PCSK6: variants seen among roughly 807,000 people sequenced by gnomAD.
PCSK6 encodes proprotein convertase subtilisin/kexin type 6.
In PCSK6, 85 loss-of-function variants were observed where a neutral mutation model predicts 123.3. That is an observed-to-expected ratio of 0.69 (90% CI 0.58 to 0.83). The LOEUF (loss-of-function observed/expected upper bound fraction) is 0.83. Among genes scored for constraint, PCSK6 ranks in the 40% least tolerant of loss-of-function variants. The pLI, the probability that PCSK6 is intolerant of heterozygous loss-of-function variation, is 0.00. For synonymous variants in PCSK6, 508 were observed against 516.0 expected (o/e 0.98, Z 0.21); for missense variants, 1,191 against 1,282.3 (o/e 0.93, Z 1.09).
chr15:101,312,795 C>T (rs957258810), intron 20 of PCSK6, among the ~76,000 whole-genome samples: 3 of 149,694 alleles, frequency 2.0e-5, no homozygotes, highest in African/African-American at 5.1e-5. Flanking sequence ...TCGCCCACTG[C>T]GCTCCAGCCT....
At chr15:101,376,622 A>C (rs901204386) in intron 11 of PCSK6, among the ~76,000 whole-genome samples, 1 of 152,246 alleles carries the variant, frequency 6.6e-6, no homozygotes, top group Non-Finnish European at 1.5e-5. Flanking sequence ...AGGGAGAATC[A>C]ACTGTATTCA....
At chr15:101,440,781 A>T (rs1432319581) in intron 2 of PCSK6, among the ~76,000 whole-genome samples, 1 of 152,258 alleles carries the variant, frequency 6.6e-6, no homozygotes, top group Admixed American at 6.5e-5. Flanking sequence ...GCAATAAAAG[A>T]TAACACTAAA....
rs562321950 is a variant in PCSK6, at chr15:101,362,117, T to C, written c.1858+4079A>G. 7.2e-5 allele frequency among the ~76,000 whole-genome samples: 11 copies of C among 152,108 alleles called. No individual in the cohort carries two copies. In the East Asian group the frequency reaches 1.9e-3, roughly 27 times the overall value. On this transcript the variant is annotated intron_variant, in intron 13 of 21. Coordinates refer to ENST00000611716, the MANE Select transcript of PCSK6 (RefSeq NM_002570.5). ...GACTACAGGTGCCCGCCACCATGCC[T>C]GGTTAACTTTTTGTATTGTTAGTAG... is the stretch of plus-strand genomic sequence containing the variant.
intron 11 of PCSK6, among the ~76,000 whole-genome samples, chr15:101,372,904 G>C (rs2041627804): frequency 6.6e-6 from 1 of 152,108 alleles, no homozygotes; most frequent in Non-Finnish European, 1.5e-5. Flanking sequence ...CATCGGTAGG[G>C]GAAGTGATCA....
intron 11 of PCSK6, among the ~76,000 whole-genome samples, chr15:101,377,799 T>C (rs980644047): frequency 3.9e-5 from 6 of 152,256 alleles, no homozygotes; most frequent in Non-Finnish European, 7.3e-5. Context: ...CATTGGCTTT[T>C]GGGTCTGAAG....
At chr15:101,376,559 C>T (rs372403288) in intron 11 of PCSK6, among the ~76,000 whole-genome samples, 1 of 152,190 alleles carries the variant, frequency 6.6e-6, no homozygotes. Flanking sequence ...TGTATCTCTC[C>T]TAGGAATAAC....
intron 7 of PCSK6, among the ~76,000 whole-genome samples, chr15:101,394,137 G>GTTTTTTTT (rs1444048837): frequency 4.5e-5 from 4 of 89,572 alleles, no homozygotes; most frequent in Non-Finnish European, 4.8e-5. Flanking sequence ...CCGTTTTTTT[G>GTTTTTTTT]TTTTTTGTTT....
At chr15:101,370,676 G>A (rs190979846) in intron 11 of PCSK6, among the ~76,000 whole-genome samples, 153 bp from the exon 12 acceptor site, 137 of 152,384 alleles carry the variant, frequency 9.0e-4, no homozygotes, top group African/African-American at 3.0e-3. Flanking sequence ...ACTGCCTCAC[G>A]TGGATGCTCC....
intron 6 of PCSK6, among the ~76,000 whole-genome samples, chr15:101,413,004 G>C (rs979981066): frequency 2.4e-5 from 2 of 84,996 alleles, no homozygotes; most frequent in Non-Finnish European, 4.6e-5. Context: ...TGGAGGAGGA[G>C]TGAGGAGGAG....
intron 6 of PCSK6, among the ~76,000 whole-genome samples, chr15:101,420,192 A>G (rs1229973997): frequency 8.3e-6 from 1 of 120,960 alleles, no homozygotes; most frequent in East Asian, 2.0e-4. Context: ...TTCTGTCTCA[A>G]AAAAAAAAAA....
At chr15:101,454,975 TGAA>T (rs2057139643) in intron 1 of PCSK6, among the ~76,000 whole-genome samples, 9 of 135,784 alleles carry the variant, frequency 6.6e-5, no homozygotes, top group African/African-American at 3.4e-4. Context: ...AATGAATGAA[TGAA>T]TGAATAAATA....
intron 11 of PCSK6, among the ~76,000 whole-genome samples, chr15:101,371,752 G>C (rs1283858487): frequency 6.6e-6 from 1 of 152,222 alleles, no homozygotes; most frequent in Non-Finnish European, 1.5e-5. Context: ...GCCTCGAATG[G>C]AAGCTCGCGT....
chr15:101,329,237 CACAA>C (rs1307760925), intron 15 of PCSK6, among the ~76,000 whole-genome samples: 1 of 152,186 alleles, frequency 6.6e-6, no homozygotes, highest in Non-Finnish European at 1.5e-5. Context: ...TAAAAAAATA[CACAA>C]ACAAATAAAT....
At chr15:101,461,682 A>G (rs574501129) in intron 1 of PCSK6, among the ~76,000 whole-genome samples, 5 of 152,318 alleles carry the variant, frequency 3.3e-5, no homozygotes, top group African/African-American at 1.2e-4. Context: ...ATGCAAGGGT[A>G]TTTTAGCATT....
intron 11 of PCSK6, among the ~76,000 whole-genome samples, chr15:101,375,555 G>C (rs979448959): frequency 6.6e-6 from 1 of 152,188 alleles, no homozygotes; most frequent in South Asian, 2.1e-4. Context: ...CACATATGCT[G>C]TATCTGCATA....
intron 1 of PCSK6, among the ~76,000 whole-genome samples, chr15:101,459,195 C>A (rs1449975743): frequency 6.6e-6 from 1 of 152,170 alleles, no homozygotes; most frequent in Non-Finnish European, 1.5e-5. Context: ...CTCCTCTGCA[C>A]CTTTGGTGCT....
intron 5 of PCSK6, among the ~76,000 whole-genome samples, chr15:101,429,273 C>T (rs1487269482): frequency 6.6e-6 from 1 of 152,160 alleles, no homozygotes; most frequent in Non-Finnish European, 1.5e-5. Context: ...GGACTGACCC[C>T]AGGGCTGCCG....
At chr15:101,458,458 G>A (rs1424292230) in intron 1 of PCSK6, among the ~76,000 whole-genome samples, 2 of 152,096 alleles carry the variant, frequency 1.3e-5, no homozygotes, top group African/African-American at 4.8e-5. Context: ...CACAGTCACT[G>A]GACCCCCACA....
chr15:101,336,430 C>T (rs940155906), intron 13 of PCSK6, among the ~76,000 whole-genome samples: 3 of 152,174 alleles, frequency 2.0e-5, no homozygotes, highest in South Asian at 4.1e-4. Context: ...ACTCGTCACA[C>T]GTCACATGTC....
Sources: gnomAD v4.1 joint callset for allele counts (sites outside exome capture counted in the v4.1 genomes callset) on GRCh38, gnomAD v4.1.1 for gene constraint, MANE v1.5 for transcripts, NCBI Gene and HGNC (gene_info 2026-07-23, HGNC 2026-07-21) for gene names.